The following SIPA1L2 variants were observed in gnomAD, a reference collection of about 807,000 sequenced individuals.
SIPA1L2 encodes signal-induced proliferation-associated 1-like protein 2.
In SIPA1L2, 56 loss-of-function variants were observed where a neutral mutation model predicts 163.9. That is an observed-to-expected ratio of 0.34 (90% CI 0.28 to 0.43). The LOEUF (loss-of-function observed/expected upper bound fraction) is 0.43, where lower values mean the gene tolerates loss of function less well. SIPA1L2 is among the 20% of genes least tolerant of loss of function. The pLI, the probability that SIPA1L2 is intolerant of heterozygous loss-of-function variation, is 1.00. For synonymous variants in SIPA1L2, 877 were observed against 865.7 expected (o/e 1.01, Z -0.23); for missense variants, 1,974 against 2,193.5 (o/e 0.90, Z 2.00).
At chr1:232,627,591 A>T (rs1663148012) in intron 1 of SIPA1L2, among the ~76,000 whole-genome samples, 1 of 152,338 alleles carries the variant, frequency 6.6e-6, no homozygotes, top group South Asian at 2.1e-4. Flanking sequence ...TAAGCATCAT[A>T]GAAGCCAAAT....
chr1:232,587,379 C>T (rs1335653008), intron 1 of SIPA1L2, among the ~76,000 whole-genome samples: 1 of 152,104 alleles, frequency 6.6e-6, no homozygotes, highest in Non-Finnish European at 1.5e-5. Context: ...CATAACGAGT[C>T]AAGTCTAGTT....
chr1:232,553,727 T>C (rs1272568622), intron 2 of SIPA1L2, among the ~76,000 whole-genome samples: 1 of 152,216 alleles, frequency 6.6e-6, no homozygotes, highest in East Asian at 1.9e-4. Flanking sequence ...GTCTAAATCC[T>C]CTTCTACCAT....
intron 15 of SIPA1L2, among the ~76,000 whole-genome samples, chr1:232,437,185 T>TTAA (rs1053522545): frequency 6.6e-6 from 1 of 152,174 alleles, no homozygotes. Context: ...GAAATTTTAC[T>TTAA]TAATAATAAT....
At chr1:232,586,197 C>A (rs1660645913) in intron 1 of SIPA1L2, among the ~76,000 whole-genome samples, 1 of 152,148 alleles carries the variant, frequency 6.6e-6, no homozygotes, top group Non-Finnish European at 1.5e-5. Context: ...ACAGTTCTGC[C>A]ACCTGTACTC....
intron 2 of SIPA1L2, among the ~76,000 whole-genome samples, chr1:232,535,196 C>A (rs2103093235): frequency 6.6e-6 from 1 of 152,272 alleles, no homozygotes. Context: ...GCTAGGTTCC[C>A]AGTCTGCCAG....
rs746325585 is a variant in SIPA1L2 at position 232,439,392 on chromosome 1, G to T, written c.3747C>A (p.Asp1249Glu). The T allele has an allele frequency of 1.2e-6, 2 of 1,614,220 alleles. No homozygotes were observed. Among genetic ancestry groups the T allele is most frequent in the Admixed American group, 1.7e-5 (1 of 60,018 alleles). Residue 1249 changes from aspartate (D) to glutamate (E), a missense_variant, in exon 15 of 23, where the codon GAC becomes GAA. Around this residue, in one of 3 missense-constraint regions of SIPA1L2, gnomAD observed 1,079 missense variants for 1,150.7 expected, o/e 0.94. Coordinates refer to ENST00000674635, the MANE Select transcript of SIPA1L2 (RefSeq NM_020808.5). ...DKHFGSGDLM[D>E]PELLGLTYIK... Reference sequence around the variant, plus strand: ...TGTAGGTCAGCCCCAGTAATTCGGGGTCCATCAGGTCGCCAGACCCAAAGT... The same window carrying T: ...TGTAGGTCAGCCCCAGTAATTCGGGTTCCATCAGGTCGCCAGACCCAAAGT...
intron 3 of SIPA1L2, among the ~76,000 whole-genome samples, chr1:232,494,866 G>A (rs1277885875): frequency 6.6e-6 from 1 of 152,152 alleles, no homozygotes; most frequent in Non-Finnish European, 1.5e-5. Flanking sequence ...TTAATGAACT[G>A]CTGCCAGGTC....
In SIPA1L2 at chr1:232,577,616, A is replaced by T. The variant is rs189845376; in HGVS notation, c.-318-3394T>A. 2.0e-5 allele frequency among the ~76,000 whole-genome samples: 3 copies of T among 152,314 alleles called. No homozygotes were observed. In the East Asian group the frequency reaches 5.8e-4, roughly 29 times the overall value. On this transcript the variant is annotated intron_variant, in intron 1 of 22. Coordinates refer to ENST00000674635, the MANE Select transcript of SIPA1L2 (RefSeq NM_020808.5). ...TCACGATTCATGGGTGGAGGTCAAAATATCAACAATTAACAGGAGTTTGGA... is the reference window on the plus strand; with the variant it reads ...TCACGATTCATGGGTGGAGGTCAAATTATCAACAATTAACAGGAGTTTGGA...
At chr1:232,444,300 A>G (rs545105959) in intron 11 of SIPA1L2, among the ~76,000 whole-genome samples, 84 of 152,320 alleles carry the variant, frequency 5.5e-4, no homozygotes, top group Middle Eastern at 3.4e-3. Context: ...ACTTAAGTAA[A>G]TTTTAATTTA....
chr1:232,526,332 C>T (rs1164287152), intron 2 of SIPA1L2, among the ~76,000 whole-genome samples: 2 of 151,960 alleles, frequency 1.3e-5, no homozygotes, highest in Non-Finnish European at 2.9e-5. Context: ...ATCCCCTAAC[C>T]CAGCGGTCCC....
At chr1:232,423,279 T>C (rs1422453112) in intron 18 of SIPA1L2, among the ~76,000 whole-genome samples, 1 of 152,192 alleles carries the variant, frequency 6.6e-6, no homozygotes, top group Non-Finnish European at 1.5e-5. Context: ...TTTCAACTTA[T>C]GGTGGGTTTA....
chr1:232,618,154 T>C (rs185703072), intron 1 of SIPA1L2, among the ~76,000 whole-genome samples: 49 of 152,218 alleles, frequency 3.2e-4, no homozygotes, highest in Admixed American at 1.4e-3. Context: ...GATTTACTGG[T>C]TTAAATAAAT....
Position 232,464,904 on chromosome 1 carries a change from C to G in SIPA1L2, c.2756G>C (p.Cys919Ser). ...SIKVFYERGE[C>S]VLLSSVDNCA... ...GTTGTCTACCGAGGACAGGAGGACA[C>G]ATTCTCCTCTTTCGTAAAACACTTT... The change falls in exon 9 of 23, where the codon TGT (cysteine) becomes TCT (serine). Residue 919 changes from cysteine to serine, a missense_variant. Physicochemically the swap from Cys to Ser is moderately radical, Grantham distance 112. Around this residue, in one of 3 missense-constraint regions of SIPA1L2, gnomAD observed 1,079 missense variants for 1,150.7 expected, o/e 0.94. Coordinates refer to ENST00000674635, the MANE Select transcript of SIPA1L2 (RefSeq NM_020808.5). The G allele has an allele frequency of 6.2e-7, 1 of 1,614,084 alleles. No homozygotes were observed. Among genetic ancestry groups the G allele is most frequent in the South Asian group, 1.1e-5 (1 of 91,044 alleles).
rs113162445 is a variant in SIPA1L2, at chr1:232,555,346, C to G, written c.-270+18828G>C. ...TATTTACAATGCCATGCTTTGCCCC[C>G]CTAAAGCCAACCTGGAGCAGCATAA... On this transcript the variant is annotated intron_variant, in intron 2 of 22. Coordinates refer to ENST00000674635, the MANE Select transcript of SIPA1L2 (RefSeq NM_020808.5). 1.4e-3 allele frequency among the ~76,000 whole-genome samples: 207 copies of G among 152,242 alleles called. 3 individuals are homozygous for G. The highest frequency in any genetic ancestry group is 4.6e-3 in the African/African-American group (190 of 41,538).
At chr1:232,596,115 G>A (rs1043559148) in intron 1 of SIPA1L2, among the ~76,000 whole-genome samples, 6 of 152,148 alleles carry the variant, frequency 3.9e-5, no homozygotes, top group African/African-American at 7.2e-5. Context: ...ACAAAGAAGA[G>A]GAGAAAGAAA....
chr1:232,401,095 G>A (rs1660310811), intron 22 of SIPA1L2, among the ~76,000 whole-genome samples: 2 of 151,898 alleles, frequency 1.3e-5, no homozygotes, highest in Non-Finnish European at 2.9e-5. Context: ...CCCTGTACAC[G>A]CCCCAGGGTC....
rs768375459 is a variant in SIPA1L2, at chr1:232,514,893, G to A, written c.447C>T (p.Pro149=). 2.5e-6 allele frequency: 4 copies of A among 1,614,100 alleles called. No homozygotes were observed. The South Asian group carries it at 4.4e-5, about 18-fold the overall frequency. The change falls in exon 3 of 23, where the codon CCC becomes CCT. Residue 149 remains proline (P), a synonymous_variant. Coordinates refer to ENST00000674635, the MANE Select transcript of SIPA1L2 (RefSeq NM_020808.5). The part of the protein sequence containing the change: ...YTIGDIFVHS[P]QRGLHPIRQR... ...GTCTTATGGGGTGAAGTCCTCTTTG[G>A]GGGGAATGGACAAAGATGTCTCCGA... is the stretch of plus-strand genomic sequence containing the variant.
intron 15 of SIPA1L2, among the ~76,000 whole-genome samples, chr1:232,437,694 C>T (rs1034668118): frequency 1.3e-5 from 2 of 152,140 alleles, no homozygotes; most frequent in African/African-American, 4.8e-5. Flanking sequence ...CGATGCTACC[C>T]CCTAACCACG....
intron 2 of SIPA1L2, among the ~76,000 whole-genome samples, chr1:232,572,682 C>CACATATACAT (rs1659804279): frequency 1.5e-5 from 1 of 65,624 alleles, no homozygotes; most frequent in Non-Finnish European, 2.9e-5. Context: ...TATATACACA[C>CACATATACAT]ACATATACAT....
Sources: allele counts gnomAD v4.1 joint callset (sites outside exome capture counted in the v4.1 genomes callset), GRCh38; gene constraint gnomAD v4.1.1; regional missense constraint gnomAD v4.1.1; transcripts MANE v1.5; gene names NCBI Gene and HGNC (gene_info 2026-07-23, HGNC 2026-07-21).